LRMDA: variants seen among roughly 807,000 people sequenced by gnomAD.
The protein encoded by LRMDA is leucine rich melanocyte differentiation associated.
Under a neutral mutation model 29.8 loss-of-function variants are expected in LRMDA, and 18 were observed. The ratio of observed to expected loss-of-function variants is 0.60; its 90% CI spans 0.42 to 0.90. LRMDA has a LOEUF of 0.90. Ranked by LOEUF, LRMDA falls within the 40% of genes least tolerant of loss-of-function variation. The probability of loss-of-function intolerance (pLI) is 0.00; values close to 1 mark genes in which losing one functional copy is unlikely to be tolerated. For missense variants in LRMDA, 273 were observed against 273.9 expected, an observed-to-expected ratio of 1.00 and a Z score of 0.02; for synonymous variants, 125 against 109.4, an observed-to-expected ratio of 1.14 and a Z score of -0.89.
At chr10:76,384,067 T>C (rs6480813) in intron 6 of LRMDA, among the ~76,000 whole-genome samples, 51,157 of 151,852 alleles carry the variant, frequency 0.34, 12,578 homozygotes, top group African/African-American at 0.69. Context: ...CCAAAGAGCA[T>C]GGTCCTTAAT....
At chr10:75,871,936 T>A (rs922819919) in intron 2 of LRMDA, among the ~76,000 whole-genome samples, 1 of 152,240 alleles carries the variant, frequency 6.6e-6, no homozygotes, top group African/African-American at 2.4e-5. Flanking sequence ...AAATGTATAT[T>A]TTTAGTGAGC....
intron 5 of LRMDA, among the ~76,000 whole-genome samples, chr10:76,208,036 A>G (rs897822258): frequency 2.0e-5 from 3 of 152,136 alleles, no homozygotes; most frequent in African/African-American, 7.2e-5. Context: ...TTCCATACTC[A>G]GCTGCTCTCA....
chr10:75,784,128 A>G (rs2132245671), intron 2 of LRMDA, among the ~76,000 whole-genome samples: 1 of 152,304 alleles, frequency 6.6e-6, no homozygotes, highest in Non-Finnish European at 1.5e-5. Flanking sequence ...AGTGAAACCA[A>G]TGCAATATAG....
chr10:75,965,724 A>G (rs551756935), intron 2 of LRMDA, among the ~76,000 whole-genome samples: 13 of 152,252 alleles, frequency 8.5e-5, no homozygotes, highest in African/African-American at 2.6e-4. Flanking sequence ...AAAAATATTT[A>G]TTTAGTAAGT....
At position 75,494,515 on chromosome 10, in the gene LRMDA, C is replaced by CTTTTTTTTTTTTTTTT. The variant is rs34902194; in HGVS notation, c.131+56028_131+56043dup. 2.9e-5 allele frequency among the ~76,000 whole-genome samples: 3 copies of CTTTTTTTTTTTTTTTT among 102,866 alleles called. 1 individual carries two copies. Among genetic ancestry groups the CTTTTTTTTTTTTTTTT allele is most frequent in the Non-Finnish European group, 1.8e-5 (1 of 55,458 alleles). 67.5% of individuals were successfully genotyped at this position (102,866 alleles called of 152,430 possible). A position where few individuals can be genotyped will look rare whatever the true frequency, so the allele number is the denominator to read the frequency against. On this transcript the variant is annotated intron_variant, in intron 2 of 6. Coordinates refer to ENST00000611255, the MANE Select transcript of LRMDA (RefSeq NM_001305581.2). The stretch of plus-strand genomic sequence containing the variant: ...GCTAAAACAAGGTTTATGTTTGTTC[C>CTTTTTTTTTTTTTTTT]TTTTTTTTTTTTTTTTTTTTTTGTT...
At chr10:76,522,039 A>G (rs946380030) in intron 6 of LRMDA, among the ~76,000 whole-genome samples, 18 of 152,182 alleles carry the variant, frequency 1.2e-4, no homozygotes, top group African/African-American at 3.9e-4. Flanking sequence ...GGCAAGTAGC[A>G]TATTTGTGGA....
intron 4 of LRMDA, among the ~76,000 whole-genome samples, chr10:76,052,538 T>G (rs1848547404): frequency 6.6e-6 from 1 of 152,122 alleles, no homozygotes. Context: ...GTGTTGGGAC[T>G]AGAGCAGAGA....
At position 76,036,021 on chromosome 10, in the gene LRMDA, C is replaced by T. The variant is rs140712380; in HGVS notation, c.145C>T (p.Leu49=). The T allele has an allele frequency of 6.2e-7, 1 of 1,614,058 alleles. No individual in the cohort carries two copies. Among genetic ancestry groups the T allele is most frequent in the African/African-American group, 1.3e-5 (1 of 75,024 alleles). Residue 49 remains leucine, a synonymous_variant, in exon 3 of 7, where the codon CTG becomes TTG. Transcript: ENST00000611255. ...SFNLLRSLEG[L]SAFRSLEELI... is the part of the protein sequence containing the mutation. Reference sequence around the variant, plus strand: ...TTGTCATTGCAGGTCACTGGAAGGACTGAGCGCATTCAGGAGCCTGGAGGA... The same window carrying T: ...TTGTCATTGCAGGTCACTGGAAGGATTGAGCGCATTCAGGAGCCTGGAGGA...
intron 2 of LRMDA, among the ~76,000 whole-genome samples, chr10:75,708,699 C>T (rs1842400123): frequency 6.6e-6 from 1 of 152,078 alleles, no homozygotes; most frequent in Non-Finnish European, 1.5e-5. Context: ...TTTAGATGAT[C>T]AGTCACCCAG....
chr10:76,454,378 T>C (rs185096503), intron 6 of LRMDA, among the ~76,000 whole-genome samples: 9 of 152,284 alleles, frequency 5.9e-5, no homozygotes, highest in Non-Finnish European at 1.0e-4. Context: ...GCTCTTTTGT[T>C]GTTTAATGCA....
At chr10:76,294,199 T>C (rs1300559635) in intron 5 of LRMDA, among the ~76,000 whole-genome samples, 1 of 152,208 alleles carries the variant, frequency 6.6e-6, no homozygotes, top group Non-Finnish European at 1.5e-5. Context: ...TTTGTGTGTG[T>C]GTGTTTGTGT....
At chr10:75,633,125 A>T (rs1841348757) in intron 2 of LRMDA, among the ~76,000 whole-genome samples, 1 of 152,132 alleles carries the variant, frequency 6.6e-6, no homozygotes, top group Non-Finnish European at 1.5e-5. Flanking sequence ...AATTAAGACC[A>T]AACTTCGCAA....
chr10:75,735,299 G>A (rs1277761528), intron 2 of LRMDA, among the ~76,000 whole-genome samples: 3 of 152,286 alleles, frequency 2.0e-5, no homozygotes, highest in African/African-American at 4.8e-5. Flanking sequence ...GTTTTGGGGG[G>A]TGTTGATGTA....
intron 2 of LRMDA, among the ~76,000 whole-genome samples, chr10:75,814,200 C>T (rs529173504): frequency 3.9e-5 from 6 of 152,186 alleles, no homozygotes; most frequent in Non-Finnish European, 8.8e-5. Context: ...TATGCAGTGG[C>T]TCACCAAAGC....
intron 5 of LRMDA, among the ~76,000 whole-genome samples, chr10:76,212,236 A>AACAC (rs35344389): frequency 0.1 from 14,976 of 142,750 alleles, 1,159 homozygotes; most frequent in East Asian, 0.39. Context: ...TGAAAATTAA[A>AACAC]ACACACACAC....
chr10:76,149,248 C>T (rs1850392669), intron 5 of LRMDA, among the ~76,000 whole-genome samples: 1 of 152,184 alleles, frequency 6.6e-6, no homozygotes, highest in Non-Finnish European at 1.5e-5. Flanking sequence ...ATATGATCAT[C>T]TGTAATGCAG....
At chr10:75,467,666 C>G (rs1176546015) in intron 2 of LRMDA, among the ~76,000 whole-genome samples, 2 of 152,032 alleles carry the variant, frequency 1.3e-5, no homozygotes, top group Non-Finnish European at 2.9e-5. Context: ...TACCAGACAT[C>G]AAGATCGCAA....
chr10:76,330,790 A>G (rs1840895302), intron 6 of LRMDA, among the ~76,000 whole-genome samples: 1 of 152,208 alleles, frequency 6.6e-6, no homozygotes, highest in African/African-American at 2.4e-5. Flanking sequence ...TTTCATTTTT[A>G]GATTTCTACT....
At chr10:76,295,510 GCA>G (rs1477200629) in intron 5 of LRMDA, among the ~76,000 whole-genome samples, 2 of 152,282 alleles carry the variant, frequency 1.3e-5, no homozygotes, top group East Asian at 3.9e-4. Context: ...TGGATACCAG[GCA>G]CAGTTTGAGT....
Sources: allele counts gnomAD v4.1 joint callset (sites outside exome capture counted in the v4.1 genomes callset), GRCh38; gene constraint gnomAD v4.1.1; transcripts MANE v1.5; gene names NCBI Gene and HGNC (gene_info 2026-07-23, HGNC 2026-07-21).